The following FGGY variants were observed in gnomAD, a reference collection of about 807,000 sequenced individuals.
FGGY encodes the protein FGGY carbohydrate kinase domain-containing protein.
A neutral mutation model predicts 71.3 loss-of-function variants in FGGY; 72 were observed. The ratio of observed to expected loss-of-function variants is 1.01; its 90% CI spans 0.84 to 1.23. The LOEUF is 1.23. Ranked by LOEUF, FGGY falls within the 50% of genes most tolerant of loss-of-function variation. FGGY has a pLI of 0.00. For synonymous variants in FGGY, 251 were observed against 250.3 expected (o/e 1.00, Z -0.02); for missense variants, 668 against 682.3 (o/e 0.98, Z 0.23).
At chr1:59,333,557 G>A (rs1190786726) in intron 2 of FGGY, among the ~76,000 whole-genome samples, 2 of 152,130 alleles carry the variant, frequency 1.3e-5, no homozygotes, top group Admixed American at 1.3e-4. Context: ...TCAGACTCAG[G>A]TCTTCTGCCC....
intron 1 of FGGY, among the ~76,000 whole-genome samples, chr1:59,299,723 G>T (rs1055417452): frequency 6.6e-5 from 10 of 152,196 alleles, no homozygotes; most frequent in Non-Finnish European, 1.5e-4. Context: ...TATGCCTGAC[G>T]CACGTGGCCC....
chr1:59,653,898 A>G (rs1473265048), intron 11 of FGGY, among the ~76,000 whole-genome samples: 1 of 151,408 alleles, frequency 6.6e-6, no homozygotes, highest in South Asian at 2.1e-4. Context: ...CGCTTGACTG[A>G]CTCCTCTGCC....
chr1:59,732,004 C>T (rs762706836), intron 14 of FGGY, among the ~76,000 whole-genome samples: 2 of 152,100 alleles, frequency 1.3e-5, no homozygotes, highest in African/African-American at 2.4e-5. Flanking sequence ...TCAGCCTCAC[C>T]GAGCCTCAGT....
chr1:59,402,169 G>GAC (rs2062055296), intron 5 of FGGY, among the ~76,000 whole-genome samples: 1 of 152,192 alleles, frequency 6.6e-6, no homozygotes, highest in Non-Finnish European at 1.5e-5. Flanking sequence ...ACAAAAGCAT[G>GAC]AACATGAAAG....
intron 6 of FGGY, among the ~76,000 whole-genome samples, chr1:59,467,512 C>T (rs1000472005): frequency 1.3e-5 from 2 of 151,642 alleles, no homozygotes; most frequent in Non-Finnish European, 2.9e-5. Context: ...AAAAAACATA[C>T]AAACCTATTA....
intron 8 of FGGY, among the ~76,000 whole-genome samples, chr1:59,585,292 A>C (rs1479871085): frequency 2.0e-5 from 3 of 152,214 alleles, no homozygotes; most frequent in Non-Finnish European, 2.9e-5. Context: ...ACAGGAACCA[A>C]AATAGCATGG....
At position 59,475,916 on chromosome 1, in the gene FGGY, G is replaced by T. The variant is rs574673547; in HGVS notation, c.670+18840G>T. 4.9e-4 allele frequency among the ~76,000 whole-genome samples: 74 copies of T among 152,208 alleles called. 1 individual carries two copies. Among genetic ancestry groups the T allele is most frequent in the South Asian group, 1.5e-3 (7 of 4,824 alleles). On this transcript the variant is annotated intron_variant, in intron 6 of 15. Transcript: ENST00000303721. ...CTCTCCTGCTTAAATTCCTCCAGTG[G>T]CTCCCCATTGCAGCTGGGAAAAAAA...
At chr1:59,437,653 A>G (rs2068772651) in intron 5 of FGGY, among the ~76,000 whole-genome samples, 1 of 152,234 alleles carries the variant, frequency 6.6e-6, no homozygotes, top group African/African-American at 2.4e-5. Context: ...ATCTGGTTAT[A>G]TATGTGCACA....
At chr1:59,433,978 T>G (rs2067908787) in intron 5 of FGGY, among the ~76,000 whole-genome samples, 1 of 152,218 alleles carries the variant, frequency 6.6e-6, no homozygotes, top group Admixed American at 6.5e-5. Context: ...TATTATTTGT[T>G]TCATTTTGGA....
chr1:59,498,227 T>C (rs962966325), intron 6 of FGGY, among the ~76,000 whole-genome samples: 1 of 148,998 alleles, frequency 6.7e-6, no homozygotes, highest in Non-Finnish European at 1.5e-5. Flanking sequence ...ATTTTACAAA[T>C]GAGGAGAAGT....
chr1:59,488,136 T>C (rs2093710570), intron 6 of FGGY, among the ~76,000 whole-genome samples: 1 of 152,156 alleles, frequency 6.6e-6, no homozygotes, highest in African/African-American at 2.4e-5. Context: ...AGAAGCATAA[T>C]TTTAATAATG....
intron 5 of FGGY, among the ~76,000 whole-genome samples, chr1:59,440,330 G>A (rs2069516655): frequency 6.6e-6 from 1 of 152,084 alleles, no homozygotes; most frequent in Non-Finnish European, 1.5e-5. Context: ...AGGATAGCAA[G>A]CAGGCAGCTT....
intron 5 of FGGY, among the ~76,000 whole-genome samples, chr1:59,388,708 C>T (rs1307370675): frequency 1.3e-5 from 2 of 152,020 alleles, no homozygotes; most frequent in African/African-American, 4.8e-5. Context: ...CTATATGATT[C>T]ACTAATTTAA....
chr1:59,403,739 C>G (rs1425556878), intron 5 of FGGY, among the ~76,000 whole-genome samples: 3 of 152,212 alleles, frequency 2.0e-5, no homozygotes, highest in Non-Finnish European at 4.4e-5. Flanking sequence ...ACAAAGTCCT[C>G]ACGTGCTTTA....
intron 14 of FGGY, chr1:59,699,126 T>C: frequency 1.0e-6 from 1 of 985,426 alleles, no homozygotes; most frequent in Non-Finnish European, 1.2e-6. Flanking sequence ...CCAATCTTGA[T>C]TATAAAACAA....
chr1:59,636,840 A>G (rs2096965284), intron 10 of FGGY, among the ~76,000 whole-genome samples: 1 of 152,204 alleles, frequency 6.6e-6, no homozygotes, highest in African/African-American at 2.4e-5. Context: ...CACTTTTAAA[A>G]TGCAAAGCAT....
At chr1:59,669,368 C>T (rs1412254239) in intron 13 of FGGY, among the ~76,000 whole-genome samples, 1 of 151,948 alleles carries the variant, frequency 6.6e-6, no homozygotes, top group African/African-American at 2.4e-5. Context: ...GTCCAAAACC[C>T]TATAGAAGTG....
intron 5 of FGGY, among the ~76,000 whole-genome samples, chr1:59,456,256 C>T (rs1443902334): frequency 6.6e-6 from 1 of 152,132 alleles, no homozygotes; most frequent in Non-Finnish European, 1.5e-5. Context: ...CAGTATGTAT[C>T]TCTAAATGAT....
chr1:59,434,792 C>G (rs556857242), intron 5 of FGGY, among the ~76,000 whole-genome samples: 80 of 152,262 alleles, frequency 5.3e-4, no homozygotes, highest in African/African-American at 1.8e-3. Context: ...AAGCCCCCCC[C>G]ACCTCCAAAT....
Sources: allele counts gnomAD v4.1 joint callset (sites outside exome capture counted in the v4.1 genomes callset), GRCh38; gene constraint gnomAD v4.1.1; transcripts MANE v1.5; gene names NCBI Gene and HGNC (gene_info 2026-07-23, HGNC 2026-07-21).